SLC44A5: variants seen among roughly 807,000 people sequenced by gnomAD.
SLC44A5 encodes the protein solute carrier family 44 member 5.
In SLC44A5, 57 loss-of-function variants were observed where a neutral mutation model predicts 101.8. The ratio of observed to expected loss-of-function variants is 0.56; its 90% CI spans 0.45 to 0.70. SLC44A5 has a LOEUF of 0.70. Among genes scored for constraint, SLC44A5 ranks in the 30% least tolerant of loss-of-function variants. SLC44A5 has a pLI of 0.00. For missense variants in SLC44A5, 737 were observed against 853.1 expected (o/e 0.86, Z 1.70); for synonymous variants, 281 against 290.9 (o/e 0.97, Z 0.35).
intron 5 of SLC44A5, among the ~76,000 whole-genome samples, chr1:75,281,699 G>C (rs1652602526): frequency 7.9e-6 from 1 of 127,070 alleles, no homozygotes; most frequent in South Asian, 2.5e-4. Flanking sequence ...AGCCACTCTA[G>C]CTGTGGCTGA....
chr1:75,477,926 C>G (rs61798718), intron 2 of SLC44A5, among the ~76,000 whole-genome samples: 3,402 of 151,268 alleles, frequency 0.022, 127 homozygotes, highest in African/African-American at 0.078. Context: ...TCCTCGAGAA[C>G]AGCAACTCCA....
intron 2 of SLC44A5, among the ~76,000 whole-genome samples, chr1:75,499,929 T>C (rs1425648915): frequency 1.3e-5 from 2 of 152,162 alleles, no homozygotes; most frequent in African/African-American, 2.4e-5. Flanking sequence ...GGTAACAAAA[T>C]GTGGACAGAA....
chr1:75,571,770 T>A (rs1004111001), intron 1 of SLC44A5, among the ~76,000 whole-genome samples: 2 of 152,152 alleles, frequency 1.3e-5, no homozygotes. Flanking sequence ...TAAAGTGGGT[T>A]TATTAGGACA....
intron 1 of SLC44A5, among the ~76,000 whole-genome samples, chr1:75,571,126 C>A (rs1176881785): frequency 6.6e-6 from 1 of 152,106 alleles, no homozygotes; most frequent in Non-Finnish European, 1.5e-5. Flanking sequence ...GCTTTTGAAA[C>A]CCTCAAAATA....
intron 2 of SLC44A5, among the ~76,000 whole-genome samples, chr1:75,434,487 T>C (rs1664779155): frequency 6.6e-6 from 1 of 152,112 alleles, no homozygotes. Context: ...GCACAACTGC[T>C]CAATACATAT....
At chr1:75,544,515 A>T (rs1248981093) in intron 1 of SLC44A5, among the ~76,000 whole-genome samples, 1 of 152,068 alleles carries the variant, frequency 6.6e-6, no homozygotes, top group Non-Finnish European at 1.5e-5. Context: ...ACACACACAC[A>T]CACACACACA....
intron 3 of SLC44A5, among the ~76,000 whole-genome samples, chr1:75,366,445 A>G (rs1045185180): frequency 2.6e-5 from 4 of 152,158 alleles, no homozygotes; most frequent in African/African-American, 9.7e-5. Context: ...TGCTGCTTTC[A>G]CAGTACTCCT....
At chr1:75,346,503 GT>G (rs1658266546) in intron 3 of SLC44A5, among the ~76,000 whole-genome samples, 1 of 152,042 alleles carries the variant, frequency 6.6e-6, no homozygotes, top group Non-Finnish European at 1.5e-5. Flanking sequence ...AAGAATGGAC[GT>G]TTAGGGGGCA....
chr1:75,432,168 C>G (rs1040574666), intron 2 of SLC44A5, among the ~76,000 whole-genome samples: 2 of 152,166 alleles, frequency 1.3e-5, no homozygotes, highest in Non-Finnish European at 2.9e-5. Flanking sequence ...AAATCCATTT[C>G]CCAGGCTGCC....
At chr1:75,620,431 C>A in the SLC44A5 span, among the ~76,000 whole-genome samples, 1 of 152,198 alleles carries the variant, frequency 6.6e-6, no homozygotes, top group African/African-American at 2.4e-5. Context: ...AATGGTTGAA[C>A]TAATTTACAC....
intron 1 of SLC44A5, among the ~76,000 whole-genome samples, chr1:75,579,218 G>A (rs1326234744): frequency 6.6e-6 from 1 of 152,190 alleles, no homozygotes; most frequent in African/African-American, 2.4e-5. Context: ...GATGACTACT[G>A]AAGGCATTGC....
At chr1:75,558,417 C>T (rs554251589) in intron 1 of SLC44A5, among the ~76,000 whole-genome samples, 11 of 152,238 alleles carry the variant, frequency 7.2e-5, no homozygotes, top group Non-Finnish European at 7.4e-5. Flanking sequence ...ACAGCCATCA[C>T]GCTGTACTAA....
At chr1:75,356,406 A>C (rs1419278858) in intron 3 of SLC44A5, among the ~76,000 whole-genome samples, 1 of 151,780 alleles carries the variant, frequency 6.6e-6, no homozygotes, top group Non-Finnish European at 1.5e-5. Context: ...TGTTTTTAAC[A>C]AAAAGTTTAA....
intron 2 of SLC44A5, among the ~76,000 whole-genome samples, chr1:75,478,544 A>G (rs1570401433): frequency 2.6e-5 from 4 of 152,174 alleles, no homozygotes; most frequent in African/African-American, 9.6e-5. Context: ...TCAAAATAAA[A>G]GGATGGAGGA....
intron 3 of SLC44A5, among the ~76,000 whole-genome samples, chr1:75,345,639 G>A (rs529837650): frequency 1.3e-5 from 2 of 152,226 alleles, no homozygotes; most frequent in South Asian, 4.1e-4. Flanking sequence ...TAGAAGGAGA[G>A]AAATTTTAAC....
intron 7 of SLC44A5, among the ~76,000 whole-genome samples, chr1:75,249,408 C>A (rs1422465174): frequency 6.6e-6 from 1 of 152,060 alleles, no homozygotes; most frequent in African/African-American, 2.4e-5. Flanking sequence ...ATGAAACTTG[C>A]ACAACTGGAA....
intron 12 of SLC44A5, among the ~76,000 whole-genome samples, chr1:75,233,239 G>T (rs906469295): frequency 6.6e-6 from 1 of 152,020 alleles, no homozygotes; most frequent in Admixed American, 6.6e-5. Flanking sequence ...TATGGGGTAC[G>T]CATATAATTG....
intron 5 of SLC44A5, among the ~76,000 whole-genome samples, chr1:75,279,706 T>A (rs987951543): frequency 6.6e-6 from 1 of 152,036 alleles, no homozygotes; most frequent in Non-Finnish European, 1.5e-5. Context: ...CCCCAAACAG[T>A]TTCCTTTTTT....
intron 2 of SLC44A5, among the ~76,000 whole-genome samples, chr1:75,485,779 C>T (rs1287163490): frequency 6.6e-6 from 1 of 152,168 alleles, no homozygotes; most frequent in African/African-American, 2.4e-5. Flanking sequence ...CACAGTTCCA[C>T]ATGGCTGGGG....
Sources: allele counts gnomAD v4.1 joint callset (sites outside exome capture counted in the v4.1 genomes callset), GRCh38; gene constraint gnomAD v4.1.1; transcripts MANE v1.5; gene names NCBI Gene and HGNC (gene_info 2026-07-23, HGNC 2026-07-21).